Variants in RFK observed in about 807,000 individuals in gnomAD.
RFK encodes riboflavin kinase, also known as 0610038L10Rik.
Under a neutral mutation model 17.6 loss-of-function variants are expected in RFK, and 4 were observed. That is an observed-to-expected ratio of 0.23 (90% confidence interval 0.11 to 0.52). RFK has a LOEUF of 0.52. Among genes scored for constraint, RFK ranks in the 20% least tolerant of loss-of-function variants. The probability of loss-of-function intolerance (pLI) is 0.96; values close to 1 mark genes in which losing one functional copy is unlikely to be tolerated. For synonymous variants in RFK, 59 were observed against 63.8 expected, an observed-to-expected ratio of 0.92 and a Z score of 0.36; for missense variants, 189 against 187.7, an observed-to-expected ratio of 1.01 and a Z score of -0.04.
At position 76,387,710 on chromosome 9, in the gene RFK, T is replaced by G. The variant is rs192916138; in HGVS notation, c.338-181A>C. On this transcript the variant is annotated intron_variant, in intron 3 of 3. Coordinates refer to ENST00000376736, the MANE Select transcript of RFK (RefSeq NM_018339.6). ...CTAAGTCAATGGTACACAAAAGATA[T>G]GTCCCTAGGCCGGGGGCAGTGGCTC... 552 of 547,272 alleles carry G rather than the reference T, an allele frequency of 1.0e-3. 2 individuals carry two copies. Among genetic ancestry groups the G allele is most frequent in the African/African-American group, 9.7e-3 (511 of 52,520 alleles). 33.9% of individuals were successfully genotyped at this position (547,272 alleles called of 1,614,324 possible). A position where few individuals can be genotyped will look rare whatever the true frequency, so the allele number is the denominator to read the frequency against.
At chr9:76,391,903 T>C (rs1220899613) in intron 2 of RFK, among the ~76,000 whole-genome samples, 1 of 150,774 alleles carries the variant, frequency 6.6e-6, no homozygotes, top group Non-Finnish European at 1.5e-5. Flanking sequence ...GCTACTGCAC[T>C]TCAGTCTGGG....
Position 76,387,515 on chromosome 9 carries a change from C to T in RFK, c.352G>A (p.Ala118Thr). The stretch of plus-strand genomic sequence containing the variant: ...GCTTCTTCAATATCACCTTGAATTG[C>T]TGAAATAAGTGACTCTGCAGAGAGA... ...NFDSLESLIS[A>T]IQGDIEEAKK... is the part of the protein sequence containing the mutation. Residue 118 changes from alanine to threonine, a missense_variant, in exon 4 of 4, where the codon GCA becomes ACA. Around this residue, in one of 3 missense-constraint regions of RFK, gnomAD observed 95 missense variants for 95.7 expected, o/e 0.99. Coordinates refer to ENST00000376736, the MANE Select transcript of RFK (RefSeq NM_018339.6). The T allele has an allele frequency of 6.2e-7, 1 of 1,610,268 alleles. No individual in the cohort carries two copies. Among genetic ancestry groups the T allele is most frequent in the Non-Finnish European group, 8.5e-7 (1 of 1,179,282 alleles).
At position 76,387,488 on chromosome 9, in the gene RFK, T is replaced by C; in HGVS notation, c.379A>G (p.Lys127Glu). The C allele has an allele frequency of 6.2e-7, 1 of 1,612,000 alleles. No homozygotes were observed. Among genetic ancestry groups the C allele is most frequent in the Non-Finnish European group, 8.5e-7 (1 of 1,179,500 alleles). ...TGTTCTGGTAACTCTAGTCGTTTCT[T>C]AGCTTCTTCAATATCACCTTGAATT... ...SAIQGDIEEAKKRLELPEHLK... is the reference protein window; with the variant it reads ...SAIQGDIEEAEKRLELPEHLK... Residue 127 changes from lysine (K) to glutamate (E), a missense_variant, in exon 4 of 4, where the codon AAG (lysine) becomes GAG (glutamate). Coordinates refer to ENST00000376736, the MANE Select transcript of RFK (RefSeq NM_018339.6).
At position 76,386,700 on chromosome 9, in the gene RFK, TAATG is replaced by T. The variant is rs1230607451; in HGVS notation, c.*695_*698del. 6.6e-6 allele frequency: 1 copy of T among 152,108 alleles called. No homozygotes were observed. The highest frequency in any genetic ancestry group is 2.4e-5 in the African/African-American group (1 of 41,428). The allele number at this position is 152,108 out of a possible 1,614,324, so 9.4% of individuals were successfully genotyped here. ...TCAGAATTGAAGCAGCTCTATACAA[TAATG>T]AAGGTGGTACAATGATGTGACTGCA... On this transcript the variant is annotated 3_prime_UTR_variant, in exon 4 of 4. Coordinates refer to ENST00000376736, the MANE Select transcript of RFK (RefSeq NM_018339.6).
intron 2 of RFK, among the ~76,000 whole-genome samples, chr9:76,390,983 T>C (rs950837639): frequency 7.9e-5 from 12 of 152,174 alleles, no homozygotes; most frequent in Admixed American, 2.6e-4. Context: ...CAAAAGGCAT[T>C]CCTTAACTGG....
At chr9:76,388,207 C>G (rs1454599899) in intron 3 of RFK, 1 of 474,938 alleles carries the variant, frequency 2.1e-6, no homozygotes, top group Admixed American at 2.3e-5. Context: ...CAAATGTTCT[C>G]TGATTTACTA....
Position 76,393,962 on chromosome 9 carries a change from G to A in RFK, c.82+128C>T, listed in dbSNP as rs542385496. On this transcript the variant is annotated intron_variant, in intron 1 of 3. Coordinates refer to ENST00000376736, the MANE Select transcript of RFK (RefSeq NM_018339.6). ...CTCCGCCACAGACAAGGGGATGCGG[G>A]AGGAGGAAGGGTGTGCTCTCTGCCC... 110 of 792,304 alleles carry A rather than the reference G, an allele frequency of 1.4e-4. No individual in the cohort carries two copies. The African/African-American group carries it at 1.4e-3, about 10-fold the overall frequency. The allele number at this position is 792,304 out of a possible 1,614,324, so 49.1% of individuals were successfully genotyped here.
Position 76,389,489 on chromosome 9 carries a change from G to A in RFK, c.235-833C>T, listed in dbSNP as rs142312431. 3.4e-3 allele frequency among the ~76,000 whole-genome samples: 515 copies of A among 152,328 alleles called. 2 individuals are homozygous for A. Among genetic ancestry groups the A allele is most frequent in the Middle Eastern group, 0.017 (5 of 294 alleles). On this transcript the variant is annotated intron_variant, in intron 2 of 3. Transcript: ENST00000376736. ...AGATATGTAAGACTGGTTGGGTGCAGTAGTTCATGCCTGTAATCCCAGCAC... is the reference window on the plus strand; with the variant it reads ...AGATATGTAAGACTGGTTGGGTGCAATAGTTCATGCCTGTAATCCCAGCAC...
At position 76,385,658 on chromosome 9, in the gene RFK, C is replaced by G. The variant is rs1012815224; in HGVS notation, c.*1741G>C. On this transcript the variant is annotated 3_prime_UTR_variant, in exon 4 of 4. Transcript: ENST00000376736. ...AGACACAATTAACCCCTAAACAACA[C>G]ACTATCTGATTCTCAAAAGCAATGG... 3 of 152,166 alleles carry G rather than the reference C, an allele frequency of 2.0e-5. No individual in the cohort carries two copies. The highest frequency in any genetic ancestry group is 4.4e-5 in the Non-Finnish European group (3 of 68,028). The allele number at this position is 152,166 out of a possible 1,614,324, so 9.4% of individuals were successfully genotyped here. A position where few individuals can be genotyped will look rare whatever the true frequency, so the allele number is the denominator to read the frequency against.
rs2131555244 is a variant in RFK at position 76,392,549 on chromosome 9, C to T, written c.103G>A (p.Val35Ile). 1 of 1,614,102 alleles carries T rather than the reference C, an allele frequency of 6.2e-7. No individual in the cohort carries two copies. Among genetic ancestry groups the T allele is most frequent in the Non-Finnish European group, 8.5e-7 (1 of 1,180,000 alleles). The change falls in exon 2 of 4, where the codon GTA becomes ATA. Residue 35 changes from valine (V) to isoleucine (I), a missense_variant. By Grantham distance (29) the Val-to-Ile change is conservative. Around this residue, in one of 3 missense-constraint regions of RFK, gnomAD observed 90 missense variants for 75.4 expected, o/e 1.19. Transcript: ENST00000376736. ...GATATATCAGCTGGAAGATTATCTA[C>T]CACTTGCTCAGGAAAATTAGCTAAA... ...IPTANFPEQV[V>I]DNLPADISTG...
chr9:76,388,172 C>A (rs1416575600), intron 3 of RFK: 4 of 454,872 alleles, frequency 8.8e-6, no homozygotes, highest in Admixed American at 7.3e-5. Flanking sequence ...TCACACTACA[C>A]TAATACATAC....
chr9:76,385,618 G>A lies in RFK; in HGVS notation c.*1781C>T, dbSNP rs1822719387. On this transcript the variant is annotated 3_prime_UTR_variant, in exon 4 of 4. Transcript: ENST00000376736. Reference sequence around the variant, plus strand: ...ACTTCTTATAATACATAATATAAAAGTTTTTGAAAGATATAGACACAATTA... The same window carrying A: ...ACTTCTTATAATACATAATATAAAAATTTTTGAAAGATATAGACACAATTA... 6.6e-6 allele frequency: 1 copy of A among 152,162 alleles called. No homozygotes were observed. The highest frequency in any genetic ancestry group is 2.1e-4 in the South Asian group (1 of 4,834). 9.4% of individuals were successfully genotyped at this position (152,162 alleles called of 1,614,324 possible). A position where few individuals can be genotyped will look rare whatever the true frequency, so the allele number is the denominator to read the frequency against.
chr9:76,391,750 G>C (rs1449455991), intron 2 of RFK, among the ~76,000 whole-genome samples: 1 of 151,934 alleles, frequency 6.6e-6, no homozygotes, highest in African/African-American at 2.4e-5. Flanking sequence ...TTGTTATTGG[G>C]TACCACAATG....
intron 2 of RFK, among the ~76,000 whole-genome samples, 160 bp from the exon 3 acceptor site, chr9:76,388,816 T>C (rs573939582): frequency 6.6e-6 from 1 of 152,324 alleles, no homozygotes; most frequent in African/African-American, 2.4e-5. Context: ...TTTTCCTAAA[T>C]TTTCCCAGCA....
rs747798785 is a variant in RFK at position 76,385,936 on chromosome 9, T to A, written c.*1463A>T. 12 of 151,746 alleles carry A rather than the reference T, an allele frequency of 7.9e-5. No homozygotes were observed. The highest frequency in any genetic ancestry group is 1.6e-4 in the Non-Finnish European group (11 of 67,670). 9.4% of individuals were successfully genotyped at this position (151,746 alleles called of 1,614,324 possible). A position where few individuals can be genotyped will look rare whatever the true frequency, so the allele number is the denominator to read the frequency against. ...AAGCAAAACGCAATCCAACTATTTATATGAGTCCCTCTTCTCCAACAGCTT... is the reference window on the plus strand; with the variant it reads ...AAGCAAAACGCAATCCAACTATTTAAATGAGTCCCTCTTCTCCAACAGCTT... On this transcript the variant is annotated 3_prime_UTR_variant, in exon 4 of 4. Coordinates refer to ENST00000376736, the MANE Select transcript of RFK (RefSeq NM_018339.6).
intron 1 of RFK, among the ~76,000 whole-genome samples, chr9:76,393,087 A>C (rs1330805566): frequency 1.3e-5 from 2 of 152,152 alleles, no homozygotes; most frequent in Non-Finnish European, 2.9e-5. Context: ...TAAGTATATA[A>C]AGCTCTCCAA....
chr9:76,393,379 G>T (rs1251535369), intron 1 of RFK, among the ~76,000 whole-genome samples: 2 of 151,876 alleles, frequency 1.3e-5, no homozygotes, highest in Non-Finnish European at 2.9e-5. Context: ...GCTAATTTTT[G>T]TATTTTTAGC....
At position 76,387,177 on chromosome 9, in the gene RFK, T is replaced by C. The variant is rs893640863; in HGVS notation, c.*222A>G. 19 of 410,632 alleles carry C rather than the reference T, an allele frequency of 4.6e-5. No homozygotes were observed. The highest frequency in any genetic ancestry group is 7.5e-5 in the Non-Finnish European group (17 of 227,890). 25.4% of individuals were successfully genotyped at this position (410,632 alleles called of 1,614,324 possible). ...CTAGTGGTACATTTTAATCAATATA[T>C]ATTTTTTAAATCTTATTTTTAACTC... On this transcript the variant is annotated 3_prime_UTR_variant, in exon 4 of 4. Transcript: ENST00000376736.
intron 1 of RFK, among the ~76,000 whole-genome samples, chr9:76,393,212 T>C (rs1012500341): frequency 6.6e-6 from 1 of 150,478 alleles, no homozygotes; most frequent in Non-Finnish European, 1.5e-5. Flanking sequence ...TTCTTTCTTT[T>C]TTTTTTTTTT....
Sources: gnomAD v4.1 joint callset for allele counts (sites outside exome capture counted in the v4.1 genomes callset) on GRCh38, gnomAD v4.1.1 for gene constraint, gnomAD v4.1.1 regional missense constraint, MANE v1.5 for transcripts, NCBI Gene and HGNC (gene_info 2026-07-23, HGNC 2026-07-21) for gene names.